The following THSD7B variants were observed in gnomAD, a reference collection of about 807,000 sequenced individuals.
THSD7B encodes thrombospondin type-1 domain-containing protein 7B.
In THSD7B, 138 loss-of-function variants were observed where a neutral mutation model predicts 213.6. The observed-to-expected ratio is 0.65, with a 90% CI of 0.56 to 0.74. The LOEUF (loss-of-function observed/expected upper bound fraction) is 0.74, where lower values mean the gene tolerates loss of function less well. Among genes scored for constraint, THSD7B ranks in the 30% least tolerant of loss-of-function variants. THSD7B has a pLI of 0.00. For synonymous variants in THSD7B, 742 were observed against 687.0 expected (o/e 1.08, Z -1.25); for missense variants, 1,931 against 1,991.5 (o/e 0.97, Z 0.58).
rs16839128 is a variant in THSD7B, at chr2:137,575,389, T to C, written c.3423+2833T>C. Among the ~76,000 whole-genome samples the C allele has an allele frequency of 8.8e-3, 1,336 of 152,120 alleles. 20 individuals carry two copies. The highest frequency in any genetic ancestry group is 0.029 in the African/African-American group (1,209 of 41,532). On this transcript the variant is annotated intron_variant, in intron 17 of 27. Coordinates refer to ENST00000409968, the MANE Select transcript of THSD7B (RefSeq NM_001316349.2). ...CCCTTCCCCTGCACAAAATAAGTTA[T>C]TACTTGATCTTTTAGAAATAAAATG... is the stretch of plus-strand genomic sequence containing the variant.
At chr2:136,916,849 C>T (rs74825136) in intron 2 of THSD7B, among the ~76,000 whole-genome samples, 2,221 of 152,254 alleles carry the variant, frequency 0.015, 69 homozygotes, top group African/African-American at 0.05. Context: ...GGACCCAAAT[C>T]CTGATACTGG....
At chr2:137,590,232 C>T (rs1003112722) in intron 17 of THSD7B, among the ~76,000 whole-genome samples, 5 of 152,130 alleles carry the variant, frequency 3.3e-5, no homozygotes. Context: ...TTAATACAAG[C>T]ATTTAGTACA....
intron 12 of THSD7B, among the ~76,000 whole-genome samples, chr2:137,286,071 A>G (rs1052773309): frequency 6.6e-6 from 1 of 150,684 alleles, no homozygotes; most frequent in Non-Finnish European, 1.5e-5. Flanking sequence ...GCCATTTCAC[A>G]CCAGCCTGGT....
intron 15 of THSD7B, among the ~76,000 whole-genome samples, chr2:137,487,610 A>T (rs1294296393): frequency 6.6e-6 from 1 of 151,518 alleles, no homozygotes; most frequent in Non-Finnish European, 1.5e-5. Context: ...AATAGATGCA[A>T]TAAAAAATGA....
chr2:137,143,667 T>A (rs988586362), intron 5 of THSD7B, among the ~76,000 whole-genome samples: 1 of 152,140 alleles, frequency 6.6e-6, no homozygotes, highest in Non-Finnish European at 1.5e-5. Flanking sequence ...GACTTTGGGA[T>A]CTTTAGCAAG....
In THSD7B at chr2:137,426,453, T is replaced by G. The variant is rs6430714; in HGVS notation, c.2959+14581T>G. The stretch of plus-strand genomic sequence containing the variant: ...TATCTTACAAAGCTATAGTCATCAT[T>G]AGCAGTATGGTACAGGCATAAAAAC... On this transcript the variant is annotated intron_variant, in intron 14 of 27. Coordinates refer to ENST00000409968, the MANE Select transcript of THSD7B (RefSeq NM_001316349.2). Among the ~76,000 whole-genome samples, 4 of 152,322 alleles carry G rather than the reference T, an allele frequency of 2.6e-5. No homozygotes were observed. The South Asian group carries it at 6.2e-4, about 24-fold the overall frequency.
At chr2:137,308,257 A>G (rs1168441706) in intron 12 of THSD7B, among the ~76,000 whole-genome samples, 1 of 152,008 alleles carries the variant, frequency 6.6e-6, no homozygotes, top group East Asian at 1.9e-4. Context: ...AAAGATCACC[A>G]GGAATAAGGG....
At chr2:137,631,843 A>G (rs7595000) in intron 20 of THSD7B, among the ~76,000 whole-genome samples, 75,003 of 151,816 alleles carry the variant, frequency 0.49, 19,633 homozygotes, top group African/African-American at 0.68. Flanking sequence ...ATGTCGGACC[A>G]CTCACTCATC....
intron 17 of THSD7B, among the ~76,000 whole-genome samples, chr2:137,582,982 C>T (rs1052894478): frequency 1.3e-5 from 2 of 152,152 alleles, no homozygotes; most frequent in Admixed American, 6.5e-5. Context: ...CCTATTTCTC[C>T]ACATCCTCTC....
chr2:137,098,935 G>C (rs1209476877), intron 4 of THSD7B, among the ~76,000 whole-genome samples: 1 of 152,088 alleles, frequency 6.6e-6, no homozygotes, highest in Non-Finnish European at 1.5e-5. Context: ...ATGCTATCTT[G>C]GGAAATTTTA....
At chr2:137,162,252 G>C (rs547772987) in intron 6 of THSD7B, among the ~76,000 whole-genome samples, 5 of 152,248 alleles carry the variant, frequency 3.3e-5, no homozygotes, top group African/African-American at 1.2e-4. Context: ...TCCATCTCTT[G>C]TGTCTGCTTT....
intron 12 of THSD7B, among the ~76,000 whole-genome samples, chr2:137,386,849 G>A (rs1428972454): frequency 6.6e-6 from 1 of 152,128 alleles, no homozygotes; most frequent in African/African-American, 2.4e-5. Flanking sequence ...AAGCTTAAGA[G>A]GGCTGCCTGA....
At chr2:137,599,345 CA>C (rs1194695810) in intron 17 of THSD7B, among the ~76,000 whole-genome samples, 1 of 151,990 alleles carries the variant, frequency 6.6e-6, no homozygotes, top group African/African-American at 2.4e-5. Flanking sequence ...AGACACTTCT[CA>C]AAAGAAGACA....
intron 12 of THSD7B, among the ~76,000 whole-genome samples, chr2:137,362,229 G>A (rs1437882558): frequency 2.0e-5 from 3 of 152,150 alleles, no homozygotes; most frequent in African/African-American, 7.2e-5. Flanking sequence ...AACTCCTGAA[G>A]GAAGCACTAA....
At chr2:137,066,672 G>C (rs1179779163) in intron 3 of THSD7B, among the ~76,000 whole-genome samples, 2 of 152,092 alleles carry the variant, frequency 1.3e-5, no homozygotes, top group Non-Finnish European at 2.9e-5. Context: ...CTTGGACGTG[G>C]ATATTTTTGG....
intron 2 of THSD7B, among the ~76,000 whole-genome samples, chr2:136,980,471 C>T (rs185844597): frequency 6.6e-6 from 1 of 152,230 alleles, no homozygotes; most frequent in East Asian, 1.9e-4. Flanking sequence ...CAGGGAGGCC[C>T]CACCCCATGA....
chr2:137,208,006 C>T (rs1284834376), intron 7 of THSD7B, among the ~76,000 whole-genome samples: 1 of 151,998 alleles, frequency 6.6e-6, no homozygotes, highest in Non-Finnish European at 1.5e-5. Flanking sequence ...CTATTTCTCA[C>T]GGCCCAATAA....
At chr2:136,982,224 C>G (rs1266259761) in intron 2 of THSD7B, among the ~76,000 whole-genome samples, 1 of 152,052 alleles carries the variant, frequency 6.6e-6, no homozygotes, top group Non-Finnish European at 1.5e-5. Context: ...ATTCTTAAAC[C>G]TTCTGATCCT....
chr2:136,956,135 A>T (rs1685120095), intron 2 of THSD7B, among the ~76,000 whole-genome samples: 1 of 152,238 alleles, frequency 6.6e-6, no homozygotes, highest in South Asian at 2.1e-4. Context: ...GTCAAGGAGT[A>T]AGATTAAATT....
Sources: gnomAD v4.1 joint callset for allele counts (sites outside exome capture counted in the v4.1 genomes callset) on GRCh38, gnomAD v4.1.1 for gene constraint, MANE v1.5 for transcripts, NCBI Gene and HGNC (gene_info 2026-07-23, HGNC 2026-07-21) for gene names.